Variants in KNTC1 observed in about 807,000 individuals in gnomAD.
KNTC1 encodes the protein kinetochore associated 1.
A neutral mutation model predicts 314.4 loss-of-function variants in KNTC1; 253 were observed. The ratio of observed to expected loss-of-function variants is 0.80; its 90% CI spans 0.73 to 0.89. KNTC1 has a LOEUF of 0.89. KNTC1 is among the 40% of genes least tolerant of loss of function. The pLI is 0.00. For missense variants in KNTC1, 2,475 were observed against 2,572.9 expected (o/e 0.96, Z 0.82); for synonymous variants, 901 against 901.4 (o/e 1.00, Z 0.01).
intron 56 of KNTC1, 127 bp downstream of exon 56, chr12:122,615,213 C>A: frequency 2.5e-6 from 2 of 786,948 alleles, no homozygotes; most frequent in Non-Finnish European, 4.0e-6. Context: ...TCTCACTGAG[C>A]TCATGCCAAA....
At chr12:122,561,869 G>T in intron 18 of KNTC1, 52 bp from the exon 19 acceptor site, 1 of 1,417,382 alleles carries the variant, frequency 7.1e-7, no homozygotes, top group South Asian at 1.3e-5. Flanking sequence ...CATCATTTAG[G>T]AAATAAACAG....
At chr12:122,564,959 G>C (rs1050800036) in intron 20 of KNTC1, among the ~76,000 whole-genome samples, 1 of 152,074 alleles carries the variant, frequency 6.6e-6, no homozygotes, top group Non-Finnish European at 1.5e-5. Flanking sequence ...AATTTCTGGA[G>C]GTGCAGTTGC....
chr12:122,530,695 C>T (rs1961243367), intron 2 of KNTC1, among the ~76,000 whole-genome samples: 1 of 152,090 alleles, frequency 6.6e-6, no homozygotes, highest in African/African-American at 2.4e-5. Context: ...AAGAAATCCA[C>T]CCACCTCAGC....
intron 63 of KNTC1, 83 bp downstream of exon 63, chr12:122,624,771 T>C (rs1383850518): frequency 2.1e-6 from 2 of 938,452 alleles, no homozygotes; most frequent in Non-Finnish European, 3.5e-6. Flanking sequence ...CCTTTTCTAG[T>C]GTTCTGGAGA....
Position 122,528,799 on chromosome 12 carries a change from A to G in KNTC1, c.-73-1192A>G, listed in dbSNP as rs1014867638. Among the ~76,000 whole-genome samples, 8 of 152,182 alleles carry G rather than the reference A, an allele frequency of 5.3e-5. 1 individual carries two copies. The highest frequency in any genetic ancestry group is 3.9e-4 in the Admixed American group (6 of 15,264). ...TAAATGTGCTATGCCTGTAGGTGCA[A>G]TCTAGGGATGTGGAACACATGGATA... On this transcript the variant is annotated intron_variant, in intron 1 of 63. Transcript: ENST00000333479.
intron 5 of KNTC1, among the ~76,000 whole-genome samples, chr12:122,541,213 T>C (rs1010428665): frequency 2.0e-5 from 3 of 151,708 alleles, no homozygotes. Flanking sequence ...AAAAAAACCT[T>C]CAAATTGACA....
intron 57 of KNTC1, chr12:122,617,284 A>G (rs1181564073): frequency 3.2e-6 from 1 of 315,326 alleles, no homozygotes; most frequent in East Asian, 9.2e-5. Flanking sequence ...GAGGTATTTT[A>G]TTATTTTTAA....
chr12:122,587,026 A>G (rs1366595142), intron 38 of KNTC1, among the ~76,000 whole-genome samples: 1 of 151,902 alleles, frequency 6.6e-6, no homozygotes, highest in African/African-American at 2.4e-5. Context: ...CATGTTGGCC[A>G]GCCTGGTCTT....
chr12:122,584,905 A>T lies in KNTC1; in HGVS notation c.3449A>T (p.Asp1150Val). 6.5e-7 allele frequency: 1 copy of T among 1,549,910 alleles called. No individual in the cohort carries two copies. Among genetic ancestry groups the T allele is most frequent in the Non-Finnish European group, 8.9e-7 (1 of 1,126,146 alleles). ...CATTTTGTTTCAGATTTTTTACTAG[A>T]TGCTTTAGAACTATGTAAACATACT... ...ATICSPDFLL[D>V]ALELCKHTLM... Residue 1150 changes from aspartate (D) to valine (V), a missense_variant, in exon 36 of 64, where the codon GAT (aspartate) becomes GTT (valine). Asp to Val is a radical substitution (Grantham distance 152). Coordinates refer to ENST00000333479, the MANE Select transcript of KNTC1 (RefSeq NM_014708.6).
chr12:122,592,152 G>T (rs1372790701), intron 42 of KNTC1, among the ~76,000 whole-genome samples: 2 of 152,236 alleles, frequency 1.3e-5, no homozygotes, highest in East Asian at 3.9e-4. Flanking sequence ...CGGGCAGTGA[G>T]GGGCTTAGCA....
At chr12:122,549,086 CTT>C (rs1963002226) in intron 12 of KNTC1, among the ~76,000 whole-genome samples, 1 of 152,210 alleles carries the variant, frequency 6.6e-6, no homozygotes. Flanking sequence ...CAGTCTCACT[CTT>C]TCACCCAGAC....
intron 2 of KNTC1, among the ~76,000 whole-genome samples, chr12:122,531,161 CTTTT>C (rs376418570): frequency 6.8e-6 from 1 of 148,102 alleles, no homozygotes; most frequent in African/African-American, 2.5e-5. Flanking sequence ...ATGCTTTTGA[CTTTT>C]TTTTTTAAAC....
At chr12:122,564,127 G>A (rs955587309) in intron 20 of KNTC1, among the ~76,000 whole-genome samples, 2 of 151,946 alleles carry the variant, frequency 1.3e-5, no homozygotes, top group African/African-American at 2.4e-5. Context: ...ACAGGCACCC[G>A]CCACCACGCC....
chr12:122,584,606 G>A (rs1488943928), intron 35 of KNTC1, among the ~76,000 whole-genome samples, 156 bp downstream of exon 35: 1 of 152,064 alleles, frequency 6.6e-6, no homozygotes, highest in Non-Finnish European at 1.5e-5. Context: ...TTCTCTTTGA[G>A]GATTATTGTT....
At chr12:122,606,445 C>T (rs1459336536) in intron 51 of KNTC1, among the ~76,000 whole-genome samples, 21 of 151,486 alleles carry the variant, frequency 1.4e-4, no homozygotes, top group Non-Finnish European at 2.1e-4. Flanking sequence ...CTTGAACTCC[C>T]GACCTCAGGT....
intron 62 of KNTC1, among the ~76,000 whole-genome samples, chr12:122,623,211 G>A (rs1245547913): frequency 6.6e-6 from 1 of 152,128 alleles, no homozygotes. Context: ...GAACATTAAT[G>A]ACTTTATGTA....
intron 59 of KNTC1, 122 bp downstream of exon 59, chr12:122,618,667 G>C (rs1057201724): frequency 1.4e-6 from 1 of 692,318 alleles, no homozygotes; most frequent in Non-Finnish European, 2.4e-6. Flanking sequence ...ACACGTGTTT[G>C]TTGTTGTTGT....
At chr12:122,547,891 T>A (rs754381074) in intron 11 of KNTC1, 24 bp from the exon 12 acceptor site, 1 of 1,388,342 alleles carries the variant, frequency 7.2e-7, no homozygotes, top group South Asian at 1.4e-5. Flanking sequence ...ACTTGAATTA[T>A]TTAAAGGTTC....
chr12:122,546,335 C>G (rs1026743474), intron 9 of KNTC1, 66 bp downstream of exon 9: 2 of 955,160 alleles, frequency 2.1e-6, no homozygotes, highest in African/African-American at 3.3e-5. Context: ...TGTCAGTGTA[C>G]TTAGACTGAC....
Sources: allele counts gnomAD v4.1 joint callset (sites outside exome capture counted in the v4.1 genomes callset), GRCh38; gene constraint gnomAD v4.1.1; transcripts MANE v1.5; gene names NCBI Gene and HGNC (gene_info 2026-07-23, HGNC 2026-07-21).